The following KRT1 variants were observed in gnomAD, a reference collection of about 807,000 sequenced individuals.
KRT1 encodes the protein keratin 1.
Under a neutral mutation model 51.6 loss-of-function variants are expected in KRT1, and 28 were observed. The observed-to-expected ratio is 0.54, with a 90% CI of 0.40 to 0.74. The LOEUF (loss-of-function observed/expected upper bound fraction) is 0.74. Among genes scored for constraint, KRT1 ranks in the 30% least tolerant of loss-of-function variants. The pLI, the probability that KRT1 is intolerant of heterozygous loss-of-function variation, is 0.00. For synonymous variants in KRT1, 301 were observed against 307.7 expected, an observed-to-expected ratio of 0.98 and a Z score of 0.23; for missense variants, 783 against 815.5, an observed-to-expected ratio of 0.96 and a Z score of 0.49.
chr12:52,675,067 A>T lies in KRT1; in HGVS notation c.*126T>A. On this transcript the variant is annotated 3_prime_UTR_variant, in exon 9 of 9. Coordinates refer to ENST00000252244, the MANE Select transcript of KRT1 (RefSeq NM_006121.4). ...AAGAAAGAGCTGGGGGAATAGGATG[A>T]GCTAGTGTAACTAACCATAGCTCTT... 2 of 1,206,530 alleles carry T rather than the reference A, an allele frequency of 1.7e-6. No individual in the cohort carries two copies. Among genetic ancestry groups the T allele is most frequent in the Non-Finnish European group, 2.5e-6 (2 of 810,770 alleles). 74.7% of individuals were successfully genotyped at this position (1,206,530 alleles called of 1,614,324 possible).
chr12:52,680,317 T>A lies in KRT1; in HGVS notation c.32A>T (p.Tyr11Phe), dbSNP rs1233125189. ...AGAGCTGAAGCCCCCTCCACTTCGG[T>A]ACCCAGACCTGGAACTAAACTGTCG... MSRQFSSRSGYRSGGGFSSGS... is the reference protein window; with the variant it reads MSRQFSSRSGFRSGGGFSSGS... Residue 11 changes from tyrosine (Y) to phenylalanine (F), a missense_variant, in exon 1 of 9, where the codon TAC (tyrosine) becomes TTC (phenylalanine). By Grantham distance (22) the Tyr-to-Phe change is conservative (BLOSUM62 3). Transcript: ENST00000252244. 6.2e-7 allele frequency: 1 copy of A among 1,614,122 alleles called. No homozygotes were observed.
chr12:52,678,471 G>T, intron 2 of KRT1, 71 bp downstream of exon 2: 1 of 1,443,890 alleles, frequency 6.9e-7, no homozygotes, highest in Non-Finnish European at 9.8e-7. Flanking sequence ...GCTGCTTCAT[G>T]ATCTTAGCTT....
At position 52,677,332 on chromosome 12, in the gene KRT1, G is replaced by T; in HGVS notation, c.1112C>A (p.Ser371Tyr). Residue 371 changes from serine to tyrosine, a missense_variant, in exon 5 of 9, where the codon TCC becomes TAC. Ser to Tyr is a moderately radical substitution (Grantham distance 144). Transcript: ENST00000252244. Reference sequence around the variant, plus strand: ...CCCACTCACCTTGCTCTGGTACAAGGACTCGGCCTCAGCTTTGCTCTTCTG... The same window carrying T: ...CCCACTCACCTTGCTCTGGTACAAGTACTCGGCCTCAGCTTTGCTCTTCTG... ...IAQKSKAEAE[S>Y]LYQSKYEELQ... 6.2e-7 allele frequency: 1 copy of T among 1,614,234 alleles called. No homozygotes were observed. Among genetic ancestry groups the T allele is most frequent in the East Asian group, 2.2e-5 (1 of 44,882 alleles).
chr12:52,677,551 C>T, intron 4 of KRT1, 71 bp from the exon 5 acceptor site: 1 of 1,606,640 alleles, frequency 6.2e-7, no homozygotes, highest in East Asian at 2.2e-5. Flanking sequence ...AGAAAGCAGT[C>T]AGAAAATAAA....
In KRT1 at chr12:52,677,051, G is replaced by C. The variant is rs571925367; in HGVS notation, c.1254+8C>G. On this transcript the variant is annotated splice_region_variant and intron_variant, in intron 6 of 8. Transcript: ENST00000252244. Reference sequence around the variant, plus strand: ...TACAGCTGAGTGGTAGAAGGAGAAAGCACATACCTGCTTCTTGACATTGTC... The same window carrying C: ...TACAGCTGAGTGGTAGAAGGAGAAACCACATACCTGCTTCTTGACATTGTC... 6.2e-7 allele frequency: 1 copy of C among 1,612,432 alleles called. No homozygotes were observed. Among genetic ancestry groups the C allele is most frequent in the Admixed American group, 1.7e-5 (1 of 60,032 alleles).
rs1941502317 is a variant in KRT1 at position 52,676,328 on chromosome 12, G to A, written c.1422C>T (p.Ala474=). The A allele has an allele frequency of 6.2e-7, 1 of 1,613,968 alleles. No homozygotes were observed. Among genetic ancestry groups the A allele is most frequent in the Non-Finnish European group, 8.5e-7 (1 of 1,180,018 alleles). The change falls in exon 7 of 9, where the codon GCC becomes GCT. Residue 474 remains alanine, a synonymous_variant. Transcript: ENST00000252244. The part of the protein sequence containing the change: ...DYQELMNTKL[A]LDLEIATYRT... ...TGTAGGTGGCAATCTCCAGATCCAGGGCCAGCTTTGTGTTCATCAGCTCCT... is the reference window on the plus strand; with the variant it reads ...TGTAGGTGGCAATCTCCAGATCCAGAGCCAGCTTTGTGTTCATCAGCTCCT...
At position 52,675,131 on chromosome 12, in the gene KRT1, C is replaced by A; in HGVS notation, c.*62G>T. On this transcript the variant is annotated 3_prime_UTR_variant, in exon 9 of 9. Coordinates refer to ENST00000252244, the MANE Select transcript of KRT1 (RefSeq NM_006121.4). ...CTGGGACAAATCGACCTCGGTCTTGCCAAGCATATTTGTTAGTGATGCTGG... is the reference window on the plus strand; with the variant it reads ...CTGGGACAAATCGACCTCGGTCTTGACAAGCATATTTGTTAGTGATGCTGG... 1 of 1,602,742 alleles carries A rather than the reference C, an allele frequency of 6.2e-7. No individual in the cohort carries two copies. Among genetic ancestry groups the A allele is most frequent in the Non-Finnish European group, 8.5e-7 (1 of 1,171,304 alleles).
At position 52,679,696 on chromosome 12, in the gene KRT1, G is replaced by T; in HGVS notation, c.591+62C>A. On this transcript the variant is annotated intron_variant, in intron 1 of 8. Transcript: ENST00000252244. ...TTGAGGTTCAAACCTACTGTGTTTT[G>T]ACTGCACCAATCCCAAGTGGACCAG... The T allele has an allele frequency of 2.1e-6, 3 of 1,432,300 alleles. No homozygotes were observed. The South Asian group carries it at 3.4e-5, about 16-fold the overall frequency. 88.7% of individuals were successfully genotyped at this position (1,432,300 alleles called of 1,614,324 possible).
Position 52,678,171 on chromosome 12 carries a change from T to C in KRT1, c.859A>G (p.Ile287Val), listed in dbSNP as rs1183101724. Reference protein sequence around the residue: ...RTNAENEFVTIKKDVDGAYMT... With the variant: ...RTNAENEFVTVKKDVDGAYMT... ...CTACAGAATTTGCTTACCTTCTTGATGGTCACAAATTCATTCTCTGCATTT... is the reference window on the plus strand; with the variant it reads ...CTACAGAATTTGCTTACCTTCTTGACGGTCACAAATTCATTCTCTGCATTT... The change falls in exon 3 of 9, where the codon ATC (isoleucine) becomes GTC (valine). Residue 287 changes from isoleucine to valine, a missense_variant. Transcript: ENST00000252244. The C allele has an allele frequency of 3.7e-6, 6 of 1,614,166 alleles. No individual in the cohort carries two copies. The South Asian group carries it at 4.4e-5, about 12-fold the overall frequency.
In KRT1 at chr12:52,679,835, C is replaced by T. The variant is rs1445264570; in HGVS notation, c.514G>A (p.Glu172Lys). 3 of 1,614,136 alleles carry T rather than the reference C, an allele frequency of 1.9e-6. No individual in the cohort carries two copies. The Admixed American group carries it at 5.0e-5, about 27-fold the overall frequency. The change falls in exon 1 of 9, where the codon GAG becomes AAG. Residue 172 changes from glutamate to lysine, a missense_variant. Coordinates refer to ENST00000252244, the MANE Select transcript of KRT1 (RefSeq NM_006121.4). ...TCTCGAGACTTCACCTTTTGGATCT[C>T]AGGGTCAATCTCCACATTGAGGGGC... ...LQPLNVEIDPEIQKVKSRERE... is the reference protein window; with the variant it reads ...LQPLNVEIDPKIQKVKSRERE...
At position 52,674,845 on chromosome 12, in the gene KRT1, C is replaced by T; in HGVS notation, c.*348G>A. On this transcript the variant is annotated 3_prime_UTR_variant, in exon 9 of 9. Coordinates refer to ENST00000252244, the MANE Select transcript of KRT1 (RefSeq NM_006121.4). The stretch of plus-strand genomic sequence containing the variant: ...CCTTATGTACAAAACCAAAACAGCA[C>T]AGAGATAAGATGCTAAGGAGCTGTC... The T allele has an allele frequency of 2.3e-6, 1 of 434,382 alleles. No homozygotes were observed. Among genetic ancestry groups the T allele is most frequent in the South Asian group, 2.5e-5 (1 of 39,440 alleles). The allele number at this position is 434,382 out of a possible 1,614,324, so 26.9% of individuals were successfully genotyped here.
intron 2 of KRT1, 126 bp from the exon 3 acceptor site, chr12:52,678,349 A>G: frequency 9.4e-7 from 1 of 1,062,956 alleles, no homozygotes; most frequent in Admixed American, 1.9e-5. Context: ...ATTGGCCACT[A>G]CTTTCTACTG....
At chr12:52,677,508 T>A (rs1941527810) in intron 4 of KRT1, 28 bp from the exon 5 acceptor site, 1 of 1,613,684 alleles carries the variant, frequency 6.2e-7, no homozygotes, top group Non-Finnish European at 8.5e-7. Flanking sequence ...TTAGTGACTC[T>A]TACAGCACTA....
In KRT1 at chr12:52,676,967, T is replaced by C. The variant is rs1268152330; in HGVS notation, c.1254+92A>G. On this transcript the variant is annotated intron_variant, in intron 6 of 8. Transcript: ENST00000252244. ...GATAATAATGTAGCCTTGGGATGAA[T>C]TGCAAGATTCAAAACTAGGAAAGCA... 36 of 1,516,504 alleles carry C rather than the reference T, an allele frequency of 2.4e-5. No individual in the cohort carries two copies. In the Middle Eastern group the frequency reaches 5.1e-4, roughly 21 times the overall value. 93.9% of individuals were successfully genotyped at this position (1,516,504 alleles called of 1,614,324 possible). A position where few individuals can be genotyped will look rare whatever the true frequency, so the allele number is the denominator to read the frequency against.
Position 52,675,460 on chromosome 12 carries a change from A to G in KRT1, c.1668T>C (p.Gly556=). ...GGGRGSYGSG[G]SSYGSGGGSY... is the part of the protein sequence containing the mutation. ...TGCCACCTCCGGAGCCGTAGCTGCTACCTCCGGAGCCATAGCTGCCACGGC... is the reference window on the plus strand; with the variant it reads ...TGCCACCTCCGGAGCCGTAGCTGCTGCCTCCGGAGCCATAGCTGCCACGGC... The change falls in exon 9 of 9, where the codon GGT becomes GGC. Residue 556 remains glycine, a synonymous_variant. Coordinates refer to ENST00000252244, the MANE Select transcript of KRT1 (RefSeq NM_006121.4). 2.3e-6 allele frequency: 3 copies of G among 1,283,178 alleles called. No homozygotes were observed. Among genetic ancestry groups the G allele is most frequent in the Non-Finnish European group, 3.1e-6 (3 of 978,364 alleles). 79.5% of individuals were successfully genotyped at this position (1,283,178 alleles called of 1,614,324 possible).
chr12:52,675,410 C>A lies in KRT1; in HGVS notation c.1718G>T (p.Gly573Val). 1 of 1,512,874 alleles carries A rather than the reference C, an allele frequency of 6.6e-7. No individual in the cohort carries two copies. The allele number at this position is 1,512,874 out of a possible 1,614,324, so 93.7% of individuals were successfully genotyped here. ...GGSYGSGGGGGGHGSYGSGSS... is the reference protein window; with the variant it reads ...GGSYGSGGGGVGHGSYGSGSS... Reference sequence around the variant, plus strand: ...TCCGGAGCCGTAGCTGCCATGGCCGCCGCCGCCACCTCCAGAGCCATAGCT... The same window carrying A: ...TCCGGAGCCGTAGCTGCCATGGCCGACGCCGCCACCTCCAGAGCCATAGCT... Residue 573 changes from glycine to valine, a missense_variant, in exon 9 of 9, where the codon GGC becomes GTC. Gly to Val is a moderately radical substitution (Grantham distance 109, BLOSUM62 -3). Transcript: ENST00000252244.
chr12:52,678,625 T>C lies in KRT1; in HGVS notation c.723A>G (p.Arg241=), dbSNP rs1176222867. The part of the protein sequence containing the change: ...FESFINNLRR[R]VDQLKSDQSR... ...ATTGATCACTCTTCAGTTGGTCCAC[T>C]CTCCTTCGGAGATTGTTGATGAATG... The change falls in exon 2 of 9, where the codon AGA becomes AGG. Residue 241 remains arginine, a synonymous_variant. Transcript: ENST00000252244. 4.3e-6 allele frequency: 7 copies of C among 1,614,226 alleles called. No homozygotes were observed. Among genetic ancestry groups the C allele is most frequent in the African/African-American group, 1.3e-5 (1 of 75,052 alleles).
chr12:52,678,921 T>C (rs564946224), intron 1 of KRT1, among the ~76,000 whole-genome samples, 165 bp from the exon 2 acceptor site: 1 of 152,334 alleles, frequency 6.6e-6, no homozygotes, highest in South Asian at 2.1e-4. Flanking sequence ...AAAACCCAAC[T>C]TGTTAATTCA....
chr12:52,675,659 T>C, intron 8 of KRT1, 42 bp from the exon 9 acceptor site: 1 of 1,614,236 alleles, frequency 6.2e-7, no homozygotes, highest in Non-Finnish European at 8.5e-7. Flanking sequence ...CAACTCCGTT[T>C]CCAGCCCAAC....
Sources: allele counts gnomAD v4.1 joint callset (sites outside exome capture counted in the v4.1 genomes callset), GRCh38; gene constraint gnomAD v4.1.1; transcripts MANE v1.5; gene names NCBI Gene and HGNC (gene_info 2026-07-23, HGNC 2026-07-21).